Variants in CENPF observed in about 807,000 individuals in gnomAD.
CENPF encodes the protein AH antigen.
CENPF carries 214 observed loss-of-function variants against 307.3 expected under a neutral mutation model. The ratio of observed to expected loss-of-function variants is 0.70; its 90% CI spans 0.62 to 0.78. The LOEUF (loss-of-function observed/expected upper bound fraction) is 0.78. CENPF is among the 30% of genes least tolerant of loss of function. CENPF has a pLI of 0.00. For synonymous variants in CENPF, 1,259 were observed against 1,270.6 expected (o/e 0.99, Z 0.19); for missense variants, 3,401 against 3,483.9 (o/e 0.98, Z 0.60).
chr1:214,641,421 G>T lies in CENPF; in HGVS notation c.3083G>T (p.Arg1028Ile). The change falls in exon 12 of 20, where the codon AGA becomes ATA. Residue 1028 changes from arginine (R) to isoleucine (I), a missense_variant. Transcript: ENST00000366955. ...CAAGAAAAACTTATTTTACTACAAAGATGTGAAGAAACCGGAAATGCATAT... is the reference window on the plus strand; with the variant it reads ...CAAGAAAAACTTATTTTACTACAAATATGTGAAGAAACCGGAAATGCATAT... ...YKQEKLILLQ[R>I]CEETGNAYED... 6.4e-7 allele frequency: 1 copy of T among 1,570,400 alleles called. No homozygotes were observed.
At chr1:214,654,078 C>G in intron 16 of CENPF, 1 of 152,018 alleles carries the variant, frequency 6.6e-6, no homozygotes, top group Non-Finnish European at 1.5e-5. Context: ...CCTCATTCCC[C>G]CTCCTCCTCC....
Position 214,645,701 on chromosome 1 carries a change from C to T in CENPF, c.6131C>T (p.Ser2044Leu), listed in dbSNP as rs7533166. ...QEKLQSLEKDSQALSLTKCEL... is the reference protein window; with the variant it reads ...QEKLQSLEKDLQALSLTKCEL... ...AAGCTGCAGAGTTTGGAAAAGGACT[C>T]ACAGGCACTGTCTTTGACAAAATGT... The change falls in exon 13 of 20, where the codon TCA becomes TTA. Residue 2044 changes from serine (S) to leucine (L), a missense_variant. Ser to Leu is a moderately radical substitution (Grantham distance 145). Coordinates refer to ENST00000366955, the MANE Select transcript of CENPF (RefSeq NM_016343.4). 31,593 of 1,614,098 alleles carry T rather than the reference C, an allele frequency of 0.02. 664 individuals are homozygous for T. The highest frequency in any genetic ancestry group is 0.099 in the African/African-American group (7,410 of 75,018).
intron 1 of CENPF, 34 bp from the exon 2 acceptor site, chr1:214,613,680 G>C: frequency 1.4e-6 from 2 of 1,405,534 alleles, no homozygotes; most frequent in Admixed American, 2.5e-5. Context: ...TCCTTTTACT[G>C]TGGTAAGACC....
chr1:214,624,346 T>C (rs1571702975), intron 7 of CENPF, among the ~76,000 whole-genome samples: 1 of 151,728 alleles, frequency 6.6e-6, no homozygotes, highest in East Asian at 1.9e-4. Context: ...CTGTGTAGAA[T>C]TTTTTTTTCT....
intron 13 of CENPF, among the ~76,000 whole-genome samples, chr1:214,647,735 C>T (rs1658352053): frequency 6.6e-6 from 1 of 152,116 alleles, no homozygotes; most frequent in Admixed American, 6.6e-5. Flanking sequence ...TAGTGGCCTC[C>T]CCATATCCAG....
In CENPF at chr1:214,652,847, C is replaced by T; in HGVS notation, c.8180C>T (p.Thr2727Ile). The T allele has an allele frequency of 3.8e-6, 6 of 1,592,654 alleles. No homozygotes were observed. Among genetic ancestry groups the T allele is most frequent in the Non-Finnish European group, 5.1e-6 (6 of 1,174,330 alleles). Residue 2727 changes from threonine (T) to isoleucine (I), a missense_variant, in exon 16 of 20, where the codon ACA becomes ATA. Physicochemically the swap from Thr to Ile is moderately conservative, Grantham distance 89 (BLOSUM62 -1). Coordinates refer to ENST00000366955, the MANE Select transcript of CENPF (RefSeq NM_016343.4). Reference sequence around the variant, plus strand: ...CTCTAGTATGAAGTAGAAATCCAGACATACCGAGAGAAATTGACTTCTAAA... The same window carrying T: ...CTCTAGTATGAAGTAGAAATCCAGATATACCGAGAGAAATTGACTTCTAAA... ...TNKQYEVEIQ[T>I]YREKLTSKEE...
At chr1:214,662,671 T>C (rs1658817842) in intron 19 of CENPF, among the ~76,000 whole-genome samples, 1 of 152,210 alleles carries the variant, frequency 6.6e-6, no homozygotes, top group Non-Finnish European at 1.5e-5. Flanking sequence ...ATCTTCCTAC[T>C]TGAATCTTCC....
intron 9 of CENPF, among the ~76,000 whole-genome samples, chr1:214,630,876 G>A (rs984534472): frequency 6.6e-6 from 1 of 152,244 alleles, no homozygotes; most frequent in Non-Finnish European, 1.5e-5. Flanking sequence ...AGATCCGAAA[G>A]TCTGTGGAGC....
Position 214,641,625 on chromosome 1 carries a change from A to G in CENPF, c.3287A>G (p.Asn1096Ser), listed in dbSNP as rs1250039856. Residue 1096 changes from asparagine to serine, a missense_variant, in exon 12 of 20, where the codon AAT (asparagine) becomes AGT (serine). Physicochemically the swap from Asn to Ser is conservative, Grantham distance 46. Transcript: ENST00000366955. Reference sequence around the variant, plus strand: ...AAATTAGCATTTGCTGAAGAAAGAAATCAGAATCTGATGCTAGAGTTGGAG... The same window carrying G: ...AAATTAGCATTTGCTGAAGAAAGAAGTCAGAATCTGATGCTAGAGTTGGAG... The part of the protein sequence containing the change: ...LTKLAFAEER[N>S]QNLMLELETV... The G allele has an allele frequency of 6.4e-7, 1 of 1,563,436 alleles. No homozygotes were observed.
chr1:214,646,476 C>T lies in CENPF; in HGVS notation c.6906C>T (p.Ser2302=). 6.2e-7 allele frequency: 1 copy of T among 1,614,074 alleles called. No individual in the cohort carries two copies. The change falls in exon 13 of 20, where the codon AGC becomes AGT. Residue 2302 remains serine, a synonymous_variant. Coordinates refer to ENST00000366955, the MANE Select transcript of CENPF (RefSeq NM_016343.4). ...PIEEEHQLRN[S]IEKLRARLEA... is the part of the protein sequence containing the mutation. Reference sequence around the variant, plus strand: ...AGGAAGAGCATCAGCTGAGAAATAGCATTGAAAAGCTGAGAGCCCGCCTAG... The same window carrying T: ...AGGAAGAGCATCAGCTGAGAAATAGTATTGAAAAGCTGAGAGCCCGCCTAG...
At chr1:214,639,609 C>A (rs1012561848) in intron 11 of CENPF, among the ~76,000 whole-genome samples, 1 of 152,048 alleles carries the variant, frequency 6.6e-6, no homozygotes, top group African/African-American at 2.4e-5. Context: ...TAAACACATA[C>A]AAAGAAAAGA....
At chr1:214,644,226 C>A (rs1658215460) in intron 12 of CENPF, among the ~76,000 whole-genome samples, 1 of 152,178 alleles carries the variant, frequency 6.6e-6, no homozygotes, top group Admixed American at 6.5e-5. Context: ...TTAATAATTA[C>A]AAAGAGATTT....
intron 19 of CENPF, among the ~76,000 whole-genome samples, chr1:214,662,917 C>G (rs1658824199): frequency 6.6e-6 from 1 of 152,010 alleles, no homozygotes; most frequent in Non-Finnish European, 1.5e-5. Context: ...GTAGCTGGAA[C>G]TATAGATGTG....
Position 214,643,018 on chromosome 1 carries a change from G to A in CENPF, c.4680G>A (p.Arg1560=). The A allele has an allele frequency of 1.2e-6, 2 of 1,609,120 alleles. No homozygotes were observed. Among genetic ancestry groups the A allele is most frequent in the Non-Finnish European group, 1.7e-6 (2 of 1,178,656 alleles). The part of the protein sequence containing the change: ...EELESLCEVY[R]QSLEKLEEKM... ...TTGAGTCCCTCTGTGAGGTGTACCG[G>A]CAGTCCCTCGAGAAGCTAGAAGAGA... Residue 1560 remains arginine (R), a synonymous_variant, in exon 12 of 20, where the codon CGG becomes CGA. Coordinates refer to ENST00000366955, the MANE Select transcript of CENPF (RefSeq NM_016343.4).
chr1:214,645,557 GTGAGT>G lies in CENPF; in HGVS notation c.5988_5992del (p.Ser1996ArgfsTer25). On this transcript the variant is annotated frameshift_variant, in exon 13 of 20. Coordinates refer to ENST00000366955, the MANE Select transcript of CENPF (RefSeq NM_016343.4). LOFTEE classifies it high-confidence loss of function. ...ACACAAGAGCTTGAGTCTCATCAAA[GTGAGT>G]GTCTCCATTGCATTCAGGTGGCAGA... 6.2e-7 allele frequency: 1 copy of G among 1,614,178 alleles called. No homozygotes were observed. Among genetic ancestry groups the G allele is most frequent in the Non-Finnish European group, 8.5e-7 (1 of 1,180,036 alleles).
At chr1:214,608,571 G>A in intron 1 of CENPF, 1 of 1,610,312 alleles carries the variant, frequency 6.2e-7, no homozygotes, top group Non-Finnish European at 8.5e-7. Context: ...CGCTCTTGGT[G>A]GGGAAGACCT....
In CENPF at chr1:214,641,773, A is replaced by G. The variant is rs61732030; in HGVS notation, c.3435A>G (p.Glu1145=). ...AAGAACAAAACAAAATGCAAAAGGA[A>G]GTTAATGACTTATTACAAGAGAATG... The part of the protein sequence containing the change: ...LKEEQNKMQK[E]VNDLLQENEQ... The change falls in exon 12 of 20, where the codon GAA becomes GAG. Residue 1145 remains glutamate (E), a synonymous_variant. Transcript: ENST00000366955. 3 of 1,588,848 alleles carry G rather than the reference A, an allele frequency of 1.9e-6. No homozygotes were observed. The East Asian group carries it at 6.7e-5, about 36-fold the overall frequency.
At chr1:214,623,431 G>T (rs1465154169) in intron 7 of CENPF, among the ~76,000 whole-genome samples, 1 of 152,044 alleles carries the variant, frequency 6.6e-6, no homozygotes, top group Non-Finnish European at 1.5e-5. Flanking sequence ...TCAGATTTTG[G>T]TATCTGCAAG....
rs1350372011 is a variant in CENPF, at chr1:214,648,656, A to G, written c.7831-19A>G. The G allele has an allele frequency of 2.5e-6, 4 of 1,610,946 alleles. No homozygotes were observed. The African/African-American group carries it at 5.4e-5, about 22-fold the overall frequency. On this transcript the variant is annotated intron_variant, in intron 13 of 19. Coordinates refer to ENST00000366955, the MANE Select transcript of CENPF (RefSeq NM_016343.4). ...ACAGACCACCAAAAAGCAGATTCTA[A>G]TGAAAGATGAAATTTCAGGTAAACA...
Sources: allele counts gnomAD v4.1 joint callset (sites outside exome capture counted in the v4.1 genomes callset), GRCh38; gene constraint gnomAD v4.1.1; transcripts MANE v1.5; gene names NCBI Gene and HGNC (gene_info 2026-07-23, HGNC 2026-07-21).